GSE1: variants seen among roughly 807,000 people sequenced by gnomAD.
The protein encoded by GSE1 is genetic suppressor element 1.
In GSE1, 32 loss-of-function variants were observed where a neutral mutation model predicts 112.6. The ratio of observed to expected loss-of-function variants is 0.28; its 90% CI spans 0.21 to 0.38. The LOEUF is 0.38. GSE1 is among the 10% of genes least tolerant of loss of function. GSE1 has a pLI of 1.00. For synonymous variants in GSE1, 1,115 were observed against 735.6 expected, an observed-to-expected ratio of 1.52 and a Z score of -8.35; for missense variants, 2,348 against 1,699.2, an observed-to-expected ratio of 1.38 and a Z score of -6.71.
intron 1 of GSE1, chr16:85,357,451 T>C (rs2046973337): frequency 8.3e-7 from 1 of 1,206,420 alleles, no homozygotes; most frequent in African/African-American, 1.6e-5. Flanking sequence ...TGTCCACCTC[T>C]TTTCCTTTCA....
intron 1 of GSE1, among the ~76,000 whole-genome samples, chr16:85,269,443 TGTGA>T (rs1567651806): frequency 2.6e-5 from 3 of 117,606 alleles, no homozygotes; most frequent in African/African-American, 1.1e-4. Flanking sequence ...TGTGTGGGTG[TGTGA>T]GTGTGTGTGT....
chr16:85,305,176 C>G (rs2045643026), intron 1 of GSE1, among the ~76,000 whole-genome samples: 1 of 152,246 alleles, frequency 6.6e-6, no homozygotes, highest in African/African-American at 2.4e-5. Flanking sequence ...GGAGCAGGGT[C>G]TACACGTGAG....
In GSE1 at chr16:85,478,911, C is replaced by CT. The variant is rs746073453; in HGVS notation, c.2464+121271dup. ...TCTTTCTTTCTTTCTTTCTTTCTTT[C>CT]TTTCTTTCTTTCTTTCTCTTTCTTT... On this transcript the variant is annotated intron_variant, in intron 2 of 2. Transcript: ENST00000637419. Among the ~76,000 whole-genome samples the CT allele has an allele frequency of 4.4e-3, 256 of 58,672 alleles. 27 individuals carry two copies. The highest frequency in any genetic ancestry group is 0.021 in the African/African-American group (234 of 11,198). 38.5% of individuals were successfully genotyped at this position (58,672 alleles called of 152,430 possible).
At chr16:85,540,037 G>A (rs2044467710) in intron 2 of GSE1, among the ~76,000 whole-genome samples, 1 of 152,252 alleles carries the variant, frequency 6.6e-6, no homozygotes, top group Non-Finnish European at 1.5e-5. Context: ...TTGTACAGGT[G>A]CCTATAATTC....
intron 2 of GSE1, among the ~76,000 whole-genome samples, chr16:85,399,418 A>C (rs141263915): frequency 2.0e-5 from 3 of 152,286 alleles, no homozygotes; most frequent in African/African-American, 7.2e-5. Context: ...AATGCATTCC[A>C]AAAAGTAGAA....
chr16:85,478,777 C>T (rs1371167784), intron 2 of GSE1, among the ~76,000 whole-genome samples: 3 of 147,308 alleles, frequency 2.0e-5, no homozygotes, highest in South Asian at 2.2e-4. Context: ...AAGTTATTAT[C>T]CTGCCTCAGC....
At chr16:85,275,639 G>C (rs1371169334) in intron 1 of GSE1, among the ~76,000 whole-genome samples, 1 of 152,218 alleles carries the variant, frequency 6.6e-6, no homozygotes, top group Non-Finnish European at 1.5e-5. Flanking sequence ...TTGATTTCCA[G>C]AGGTCGGTCC....
intron 1 of GSE1, among the ~76,000 whole-genome samples, chr16:85,271,080 C>G (rs1908782147): frequency 6.6e-6 from 1 of 152,250 alleles, no homozygotes; most frequent in African/African-American, 2.4e-5. Context: ...AGCAGCCCAC[C>G]TGGCCTCAGG....
intron 1 of GSE1, chr16:85,580,139 A>C (rs938335815): frequency 1.3e-5 from 2 of 152,290 alleles, no homozygotes; most frequent in African/African-American, 4.8e-5. Context: ...GGCCATGTGA[A>C]GAGAACAGCA....
intron 1 of GSE1, among the ~76,000 whole-genome samples, chr16:85,331,521 A>ATATGTG (rs1567693046): frequency 8.0e-5 from 5 of 62,178 alleles, no homozygotes; most frequent in African/African-American, 1.3e-4. Context: ...ATATATGTGT[A>ATATGTG]TATATGTGTA....
chr16:85,647,220 C>A (rs1188391416), intron 2 of GSE1, among the ~76,000 whole-genome samples: 1 of 152,180 alleles, frequency 6.6e-6, no homozygotes, highest in African/African-American at 2.4e-5. Flanking sequence ...CTGTAGCCAC[C>A]AGTCACCCAG....
intron 2 of GSE1, among the ~76,000 whole-genome samples, chr16:85,362,071 G>C (rs2047093768): frequency 6.6e-6 from 1 of 152,148 alleles, no homozygotes; most frequent in Non-Finnish European, 1.5e-5. Context: ...TACAGCTCCA[G>C]GGCTGGGGAC....
At chr16:85,391,711 G>A (rs946965379) in intron 2 of GSE1, among the ~76,000 whole-genome samples, 16 of 152,162 alleles carry the variant, frequency 1.1e-4, no homozygotes, top group Admixed American at 6.5e-4. Context: ...TACAGGTTCC[G>A]GGTGGACATG....
chr16:85,252,472 C>A (rs1906595873), intron 1 of GSE1, among the ~76,000 whole-genome samples: 1 of 152,278 alleles, frequency 6.6e-6, no homozygotes, highest in African/African-American at 2.4e-5. Flanking sequence ...GTCCCCATCT[C>A]AAATTTCCCC....
At chr16:85,361,641 A>AC (rs1179335846) in intron 2 of GSE1, among the ~76,000 whole-genome samples, 2 of 151,886 alleles carry the variant, frequency 1.3e-5, no homozygotes, top group Non-Finnish European at 2.9e-5. Context: ...TCCGTTTCTG[A>AC]CCCCCACTTC....
chr16:85,192,795 T>A (rs1567601439), intron 1 of GSE1, among the ~76,000 whole-genome samples: 1 of 152,202 alleles, frequency 6.6e-6, no homozygotes, highest in Non-Finnish European at 1.5e-5. Flanking sequence ...TGGAAGGGAC[T>A]AAGGCAGAAG....
intron 2 of GSE1, among the ~76,000 whole-genome samples, chr16:85,463,763 C>T (rs949946396): frequency 4.6e-5 from 7 of 152,184 alleles, no homozygotes; most frequent in Admixed American, 1.3e-4. Context: ...CAGAGCCCGC[C>T]GAGGGTGGGG....
At chr16:85,547,882 A>AC (rs1260427655) in intron 2 of GSE1, among the ~76,000 whole-genome samples, 5 of 150,840 alleles carry the variant, frequency 3.3e-5, no homozygotes, top group Non-Finnish European at 7.4e-5. Context: ...CTGTCTCAAA[A>AC]AAAAAAAAAA....
intron 1 of GSE1, among the ~76,000 whole-genome samples, chr16:85,224,778 A>G (rs546425157): frequency 6.6e-6 from 1 of 151,664 alleles, no homozygotes; most frequent in African/African-American, 2.4e-5. Flanking sequence ...TCATGAGGTC[A>G]GGAGTTCGAG....
Sources: allele counts gnomAD v4.1 joint callset (sites outside exome capture counted in the v4.1 genomes callset), GRCh38; gene constraint gnomAD v4.1.1; transcripts MANE v1.5; gene names NCBI Gene and HGNC (gene_info 2026-07-23, HGNC 2026-07-21).